The following MCPH1 variants were observed in gnomAD, a reference collection of about 807,000 sequenced individuals.
MCPH1 encodes microcephalin 1.
Under a neutral mutation model 84.5 loss-of-function variants are expected in MCPH1, and 104 were observed. The ratio of observed to expected loss-of-function variants is 1.23; its 90% CI spans 1.05 to 1.45. The LOEUF (loss-of-function observed/expected upper bound fraction) is 1.45. Ranked by LOEUF, MCPH1 falls within the 40% of genes most tolerant of loss-of-function variation. The pLI, the probability that MCPH1 is intolerant of heterozygous loss-of-function variation, is 0.00. For missense variants in MCPH1, 1,498 were observed against 1,005.7 expected, an observed-to-expected ratio of 1.49 and a Z score of -6.62; for synonymous variants, 514 against 366.8, an observed-to-expected ratio of 1.40 and a Z score of -4.58.
At chr8:6,616,619 G>A (rs1427312667) in intron 12 of MCPH1, 13 of 152,270 alleles carry the variant, frequency 8.5e-5, no homozygotes, top group Non-Finnish European at 1.9e-4. Flanking sequence ...GCTCCTAGGA[G>A]GAGCTCATGG....
chr8:6,421,917 A>G (rs17076812), intron 3 of MCPH1, among the ~76,000 whole-genome samples: 21,984 of 152,120 alleles, frequency 0.14, 1,660 homozygotes, highest in Middle Eastern at 0.25. Context: ...CTGTGCTGAG[A>G]ACTCTGCCCC....
chr8:6,477,839 C>T (rs1808681615), intron 10 of MCPH1, among the ~76,000 whole-genome samples: 1 of 152,192 alleles, frequency 6.6e-6, no homozygotes, highest in Non-Finnish European at 1.5e-5. Context: ...GTTGTTTAGG[C>T]AGCATTAAGA....
At chr8:6,471,276 C>G (rs1343389724) in intron 9 of MCPH1, among the ~76,000 whole-genome samples, 2 of 152,180 alleles carry the variant, frequency 1.3e-5, no homozygotes, top group Admixed American at 6.5e-5. Flanking sequence ...GTGAATATCA[C>G]TCTCAAATAC....
At chr8:6,606,967 C>G (rs1021259701) in intron 12 of MCPH1, among the ~76,000 whole-genome samples, 1 of 152,166 alleles carries the variant, frequency 6.6e-6, no homozygotes, top group South Asian at 2.1e-4. Flanking sequence ...TCCATTAAAC[C>G]TCTTTCTTTT....
At chr8:6,591,627 A>C (rs186830869) in intron 12 of MCPH1, among the ~76,000 whole-genome samples, 1 of 152,300 alleles carries the variant, frequency 6.6e-6, no homozygotes, top group East Asian at 1.9e-4. Context: ...TGGGTGAGGT[A>C]CCGTATTCCA....
intron 12 of MCPH1, among the ~76,000 whole-genome samples, chr8:6,587,189 A>C (rs1457573109): frequency 6.6e-6 from 1 of 152,114 alleles, no homozygotes; most frequent in Admixed American, 6.5e-5. Flanking sequence ...CTTTTATAAA[A>C]AATAATAATA....
chr8:6,446,604 A>G (rs2129555928), intron 8 of MCPH1: 1 of 980,470 alleles, frequency 1.0e-6, no homozygotes, highest in Non-Finnish European at 1.2e-6. Flanking sequence ...TGTTTTCAAA[A>G]TATTTATTTT....
intron 11 of MCPH1, among the ~76,000 whole-genome samples, chr8:6,494,728 A>T (rs1260097068): frequency 1.3e-5 from 2 of 152,176 alleles, no homozygotes; most frequent in Admixed American, 6.5e-5. Flanking sequence ...ATTAGAAGTT[A>T]CCAGGGATGG....
intron 12 of MCPH1, chr8:6,508,783 AAC>A: frequency 8.6e-7 from 1 of 1,159,816 alleles, no homozygotes; most frequent in South Asian, 1.3e-5. Flanking sequence ...AAAAGTGAAA[AAC>A]ACATTTACCT....
intron 12 of MCPH1, among the ~76,000 whole-genome samples, chr8:6,528,804 C>G (rs144637336): frequency 6.6e-6 from 1 of 152,222 alleles, no homozygotes; most frequent in Non-Finnish European, 1.5e-5. Flanking sequence ...GTCTTTATGT[C>G]ATTTGCAGGA....
chr8:6,437,455 T>A (rs1269673070), intron 5 of MCPH1, among the ~76,000 whole-genome samples: 1 of 152,110 alleles, frequency 6.6e-6, no homozygotes, highest in Non-Finnish European at 1.5e-5. Flanking sequence ...GATCTCAAAC[T>A]CTTGACCTCG....
At chr8:6,467,749 A>G (rs1807161655) in intron 9 of MCPH1, among the ~76,000 whole-genome samples, 1 of 152,140 alleles carries the variant, frequency 6.6e-6, no homozygotes. Flanking sequence ...GGCAGGTGCC[A>G]CCATGCTCAG....
intron 12 of MCPH1, among the ~76,000 whole-genome samples, chr8:6,569,891 CACTGGGTCT>C (rs1826519797): frequency 6.6e-6 from 1 of 152,210 alleles, no homozygotes; most frequent in African/African-American, 2.4e-5. Context: ...GAGCTGGAGC[CACTGGGTCT>C]TGTATGAAAG....
In MCPH1 at chr8:6,455,185, C is replaced by G. The variant is rs1563233673; in HGVS notation, c.1868C>G (p.Ser623Ter). ...ACAAGGCATGATGTTTTAGATGACT[C>G]ATGTGACGGCTTTAAGGACCTCATC... ...RPTRHDVLDD[S>*]CDGFKDLIKP... Residue 623 changes from serine (S) to a stop codon, truncating the protein, a stop_gained, in exon 9 of 14, where the codon TCA becomes TGA. Transcript: ENST00000344683. LOFTEE classifies it high-confidence loss of function. The G allele has an allele frequency of 1.2e-6, 2 of 1,613,910 alleles. No individual in the cohort carries two copies. The highest frequency in any genetic ancestry group is 8.5e-7 in the Non-Finnish European group (1 of 1,179,986).
At chr8:6,618,389 A>C (rs1217801081) in intron 12 of MCPH1, 1 of 152,272 alleles carries the variant, frequency 6.6e-6, no homozygotes. Flanking sequence ...TCACAGCACA[A>C]AGAAACTAGC....
At position 6,645,672 on chromosome 8, in the gene MCPH1, A is replaced by G. The variant is rs1344147556; in HGVS notation, c.*2623A>G. The G allele has an allele frequency of 2.0e-5, 3 of 151,716 alleles. No individual in the cohort carries two copies. The highest frequency in any genetic ancestry group is 2.9e-5 in the Non-Finnish European group (2 of 67,956). 9.4% of individuals were successfully genotyped at this position (151,716 alleles called of 1,614,324 possible). On this transcript the variant is annotated 3_prime_UTR_variant, in exon 14 of 14. Coordinates refer to ENST00000344683, the MANE Select transcript of MCPH1 (RefSeq NM_024596.5). ...AAGTTTAGCAAGATTGCAATATACAATCTTGCAATCTTCCTAAAGATTATA... is the reference window on the plus strand; with the variant it reads ...AAGTTTAGCAAGATTGCAATATACAGTCTTGCAATCTTCCTAAAGATTATA...
rs1277242296 is a variant in MCPH1 at position 6,436,086 on chromosome 8, A to T, written c.360A>T (p.Thr120=). The change falls in exon 5 of 14, where the codon ACA becomes ACT. Residue 120 remains threonine, a synonymous_variant. Transcript: ENST00000344683. ...CMQPKDFNFK[T]PENDKRFQKK... The stretch of plus-strand genomic sequence containing the variant: ...AGCCCAAAGATTTTAATTTTAAAAC[A>T]CCAGAAAATGATAAGAGATTTCAGA... The T allele has an allele frequency of 1.9e-6, 3 of 1,613,750 alleles. No individual in the cohort carries two copies. The highest frequency in any genetic ancestry group is 2.5e-6 in the Non-Finnish European group (3 of 1,179,844).
chr8:6,611,489 A>G (rs1009240580), intron 12 of MCPH1, among the ~76,000 whole-genome samples: 6 of 152,258 alleles, frequency 3.9e-5, no homozygotes, highest in African/African-American at 1.4e-4. Context: ...GAACAGCCAG[A>G]GAAGAGATGC....
chr8:6,532,559 T>C, intron 12 of MCPH1: 1 of 1,004,278 alleles, frequency 1.0e-6, no homozygotes, highest in Non-Finnish European at 1.4e-6. Context: ...ATGTTTGTCG[T>C]CTCCTCCCTA....
Sources: gnomAD v4.1 joint callset for allele counts (sites outside exome capture counted in the v4.1 genomes callset) on GRCh38, gnomAD v4.1.1 for gene constraint, MANE v1.5 for transcripts, NCBI Gene and HGNC (gene_info 2026-07-23, HGNC 2026-07-21) for gene names.